The following DCHS2 variants were observed in gnomAD, a reference collection of about 807,000 sequenced individuals.
The protein encoded by DCHS2 is protocadherin-23.
Under a neutral mutation model 182.4 loss-of-function variants are expected in DCHS2, and 142 were observed. The observed-to-expected ratio is 0.78, with a 90% CI of 0.68 to 0.89. DCHS2 has a LOEUF of 0.89. DCHS2 is among the 40% of genes least tolerant of loss of function. DCHS2 has a pLI of 0.00. For synonymous variants in DCHS2, 1,740 were observed against 1,663.3 expected (o/e 1.05, Z -1.12); for missense variants, 4,319 against 4,198.6 (o/e 1.03, Z -0.79).
Position 154,242,719 on chromosome 4 carries a change from A to G in DCHS2, c.6995T>C (p.Val2332Ala). 6.2e-7 allele frequency: 1 copy of G among 1,613,030 alleles called. No homozygotes were observed. The highest frequency in any genetic ancestry group is 1.1e-5 in the South Asian group (1 of 91,002). ...TATATCAGTCACCTGTACCTTGATT[A>G]CAGTCGTATTAGAAAGCCTGGGCAT... is the stretch of plus-strand genomic sequence containing the variant. ...KGMPRLSNTT[V>A]IKVQVTDIND... The change falls in exon 17 of 20, where the codon GTA (valine) becomes GCA (alanine). Residue 2332 changes from valine to alanine, a missense_variant. Coordinates refer to ENST00000357232, the MANE Select transcript of DCHS2 (RefSeq NM_001358235.2).
At chr4:154,406,900 T>A (rs750691199) in intron 1 of DCHS2, among the ~76,000 whole-genome samples, 4 of 152,222 alleles carry the variant, frequency 2.6e-5, no homozygotes, top group Non-Finnish European at 4.4e-5. Flanking sequence ...CAGCATCATG[T>A]TCCAATCTTC....
At chr4:154,289,724 A>G (rs966573075) in intron 13 of DCHS2, among the ~76,000 whole-genome samples, 3 of 152,156 alleles carry the variant, frequency 2.0e-5, no homozygotes, top group Non-Finnish European at 2.9e-5. Flanking sequence ...CAACACATTA[A>G]GAAGATCATT....
chr4:154,242,479 A>G (rs1230520295), intron 17 of DCHS2, among the ~76,000 whole-genome samples, 163 bp downstream of exon 17: 1 of 152,186 alleles, frequency 6.6e-6, no homozygotes, highest in Non-Finnish European at 1.5e-5. Flanking sequence ...TATTTAACTT[A>G]TGATCATCCA....
At chr4:154,252,706 C>T (rs180680057) in intron 16 of DCHS2, among the ~76,000 whole-genome samples, 2 of 151,594 alleles carry the variant, frequency 1.3e-5, no homozygotes, top group Admixed American at 6.6e-5. Flanking sequence ...TATATGTATC[C>T]CATTTTCTTT....
At position 154,447,531 on chromosome 4, in the gene DCHS2, G is replaced by A. The variant is rs1424085494; in HGVS notation, c.2052+41773C>T. On this transcript the variant is annotated intron_variant, in intron 1 of 19. Transcript: ENST00000357232. ...AATTATTAAAAATATATATCTTTAG[G>A]GTTTTTGATATTTTGAAAAATCACT... 2.0e-5 allele frequency among the ~76,000 whole-genome samples: 3 copies of A among 151,706 alleles called. No homozygotes were observed. The East Asian group carries it at 5.8e-4, about 29-fold the overall frequency.
Position 154,304,860 on chromosome 4 carries a change from C to A in DCHS2, c.5414G>T (p.Gly1805Val). Residue 1805 changes from glycine to valine, a missense_variant, in exon 12 of 20, where the codon GGA becomes GTA. Coordinates refer to ENST00000357232, the MANE Select transcript of DCHS2 (RefSeq NM_001358235.2). The part of the protein sequence containing the change: ...FTLRVLVRDG[G>V]FPSLSSTTTI... ...TGTGGTGCTGGACAATGAAGGGAAT[C>A]CCCCATCTCGTACTAGTACTGACAC... 1 of 1,611,832 alleles carries A rather than the reference C, an allele frequency of 6.2e-7. No individual in the cohort carries two copies. The highest frequency in any genetic ancestry group is 2.2e-5 in the East Asian group (1 of 44,798).
At chr4:154,412,029 A>C (rs558793448) in intron 1 of DCHS2, among the ~76,000 whole-genome samples, 1 of 152,336 alleles carries the variant, frequency 6.6e-6, no homozygotes, top group East Asian at 1.9e-4. Flanking sequence ...GGCTTAAATA[A>C]TTTTTAAAAA....
At chr4:154,478,190 A>C (rs1374235691) in intron 1 of DCHS2, among the ~76,000 whole-genome samples, 2 of 152,224 alleles carry the variant, frequency 1.3e-5, no homozygotes, top group Non-Finnish European at 2.9e-5. Context: ...ATACAACTAG[A>C]GTAAAATTCT....
rs1561084924 is a variant in DCHS2, at chr4:154,389,610, T to C, written c.2053-12166A>G. On this transcript the variant is annotated intron_variant, in intron 1 of 19. Coordinates refer to ENST00000357232, the MANE Select transcript of DCHS2 (RefSeq NM_001358235.2). Reference sequence around the variant, plus strand: ...GAGTGAAATTTTTATATCATGACTTTATATTTTACAAAAATTTCATTTTAA... The same window carrying C: ...GAGTGAAATTTTTATATCATGACTTCATATTTTACAAAAATTTCATTTTAA... Among the ~76,000 whole-genome samples, 9 of 151,086 alleles carry C rather than the reference T, an allele frequency of 6.0e-5. No homozygotes were observed. In the South Asian group the frequency reaches 1.9e-3, roughly 32 times the overall value.
chr4:154,317,454 A>T (rs1031619911), intron 9 of DCHS2, among the ~76,000 whole-genome samples: 7 of 152,202 alleles, frequency 4.6e-5, no homozygotes, highest in Non-Finnish European at 8.8e-5. Context: ...AACCACATGT[A>T]CAAGATTTAA....
At chr4:154,407,720 C>T (rs1460819414) in intron 1 of DCHS2, among the ~76,000 whole-genome samples, 1 of 152,166 alleles carries the variant, frequency 6.6e-6, no homozygotes, top group African/African-American at 2.4e-5. Flanking sequence ...ACAGTGCTTC[C>T]CATAAGTTCC....
At chr4:154,389,737 C>T (rs115445309) in intron 1 of DCHS2, among the ~76,000 whole-genome samples, 2,553 of 151,794 alleles carry the variant, frequency 0.017, 85 homozygotes, top group African/African-American at 0.059. Context: ...TCACACTCCA[C>T]GACCCCCACC....
At chr4:154,486,137 A>G (rs1458187148) in intron 1 of DCHS2, among the ~76,000 whole-genome samples, 1 of 152,206 alleles carries the variant, frequency 6.6e-6, no homozygotes, top group Non-Finnish European at 1.5e-5. Flanking sequence ...AGTGCCTACA[A>G]TGTTGTAAAA....
At chr4:154,374,560 A>G (rs1285966384) in intron 2 of DCHS2, among the ~76,000 whole-genome samples, 2 of 152,182 alleles carry the variant, frequency 1.3e-5, no homozygotes, top group Non-Finnish European at 2.9e-5. Flanking sequence ...GATTCCTGAA[A>G]CTACATAGTA....
intron 16 of DCHS2, among the ~76,000 whole-genome samples, chr4:154,254,844 G>GA (rs536698438): frequency 9.6e-5 from 14 of 145,652 alleles, no homozygotes; most frequent in South Asian, 4.4e-4. Flanking sequence ...CTCAGAAAAG[G>GA]AAAAAAAAAA....
At chr4:154,310,616 G>A (rs1735632950) in intron 10 of DCHS2, among the ~76,000 whole-genome samples, 1 of 152,172 alleles carries the variant, frequency 6.6e-6, no homozygotes, top group Admixed American at 6.5e-5. Context: ...AAAGCAGAAT[G>A]GGTGCTGTTT....
chr4:154,343,365 A>G (rs1729200857), intron 3 of DCHS2: 2 of 1,133,548 alleles, frequency 1.8e-6, no homozygotes, highest in East Asian at 5.8e-5. Context: ...TTCTGAAGCC[A>G]GGCATTGACT....
intron 19 of DCHS2, among the ~76,000 whole-genome samples, chr4:154,238,156 C>A (rs76040334): frequency 1.8e-4 from 1 of 5,582 alleles, no homozygotes; most frequent in Non-Finnish European, 4.9e-4. Flanking sequence ...AGAGAAAAGA[C>A]GGTGGGGGGG....
intron 13 of DCHS2, among the ~76,000 whole-genome samples, chr4:154,286,460 A>C (rs1192959289): frequency 6.6e-6 from 1 of 152,062 alleles, no homozygotes; most frequent in Non-Finnish European, 1.5e-5. Flanking sequence ...TTTCAAGATA[A>C]CACAGAGAGG....
Sources: gnomAD v4.1 joint callset for allele counts (sites outside exome capture counted in the v4.1 genomes callset) on GRCh38, gnomAD v4.1.1 for gene constraint, MANE v1.5 for transcripts, NCBI Gene and HGNC (gene_info 2026-07-23, HGNC 2026-07-21) for gene names.